Variants in SNX13 observed in about 807,000 individuals in gnomAD.
The protein encoded by SNX13 is sorting nexin-13.
In SNX13, 45 loss-of-function variants were observed where a neutral mutation model predicts 133.6. The observed-to-expected ratio is 0.34, with a 90% CI of 0.27 to 0.43. The LOEUF (loss-of-function observed/expected upper bound fraction) is 0.43, where lower values mean the gene tolerates loss of function less well. SNX13 is among the 20% of genes least tolerant of loss of function. The pLI is 1.00. For synonymous variants in SNX13, 414 were observed against 373.9 expected, an observed-to-expected ratio of 1.11 and a Z score of -1.24; for missense variants, 1,032 against 1,145.1, an observed-to-expected ratio of 0.90 and a Z score of 1.43.
chr7:17,852,813 T>A (rs900814324), intron 9 of SNX13, among the ~76,000 whole-genome samples: 1 of 152,226 alleles, frequency 6.6e-6, no homozygotes, highest in Non-Finnish European at 1.5e-5. Context: ...AGGAGTTGGT[T>A]ACAATGCTCA....
Position 17,891,655 on chromosome 7 carries a change from TCTTA to T in SNX13, c.229-24_229-21del, listed in dbSNP as rs1174406247. On this transcript the variant is annotated intron_variant, in intron 3 of 25. Transcript: ENST00000428135. ...TAAGCACTTAAAGGAAATCAAAATA[TCTTA>T]CTGAGTAGTTTTCTGATGTAAAATC... The T allele has an allele frequency of 6.4e-7, 1 of 1,556,828 alleles. No individual in the cohort carries two copies. The highest frequency in any genetic ancestry group is 1.1e-5 in the South Asian group (1 of 89,036).
intron 9 of SNX13, among the ~76,000 whole-genome samples, chr7:17,861,698 C>T (rs769735275): frequency 2.0e-5 from 3 of 152,024 alleles, no homozygotes; most frequent in Non-Finnish European, 4.4e-5. Context: ...GCTCACTTCC[C>T]AAGTGTAAGG....
At chr7:17,889,483 C>A (rs1796390854) in intron 5 of SNX13, 2 of 151,700 alleles carry the variant, frequency 1.3e-5, no homozygotes, top group African/African-American at 4.8e-5. Flanking sequence ...ATGGTAGCAA[C>A]ATATTTTAAT....
At chr7:17,863,396 G>T (rs906503526) in intron 9 of SNX13, among the ~76,000 whole-genome samples, 2 of 152,132 alleles carry the variant, frequency 1.3e-5, no homozygotes, top group Non-Finnish European at 2.9e-5. Flanking sequence ...TCCAGGCAGT[G>T]TAACTCCAGC....
intron 1 of SNX13, among the ~76,000 whole-genome samples, chr7:17,918,082 G>T (rs1450149513): frequency 6.6e-6 from 1 of 152,070 alleles, no homozygotes; most frequent in African/African-American, 2.4e-5. Context: ...AAACAGTGCT[G>T]GGAAAACTGG....
At chr7:17,852,145 G>A (rs936698470) in intron 9 of SNX13, among the ~76,000 whole-genome samples, 4 of 152,218 alleles carry the variant, frequency 2.6e-5, no homozygotes, top group African/African-American at 9.6e-5. Flanking sequence ...AGGCCAAGGC[G>A]GGCGGATCAC....
chr7:17,793,960 CAACAGTATTTGAGTT>C lies in SNX13; in HGVS notation c.*70_*84del. The stretch of plus-strand genomic sequence containing the variant: ...AGACACTAAAAGACTGGTGCAGACA[CAACAGTATTTGAGTT>C]AAGCCCCAGAAGATCTGTCCATACC... On this transcript the variant is annotated 3_prime_UTR_variant, in exon 26 of 26. Transcript: ENST00000428135. 1 of 1,449,456 alleles carries C rather than the reference CAACAGTATTTGAGTT, an allele frequency of 6.9e-7. No homozygotes were observed. Among genetic ancestry groups the C allele is most frequent in the Non-Finnish European group, 9.4e-7 (1 of 1,067,740 alleles). 89.8% of individuals were successfully genotyped at this position (1,449,456 alleles called of 1,614,324 possible).
intron 1 of SNX13, among the ~76,000 whole-genome samples, chr7:17,905,005 G>C (rs183835648): frequency 2.6e-5 from 4 of 152,226 alleles, no homozygotes; most frequent in Admixed American, 6.5e-5. Flanking sequence ...ATGGAAAAAG[G>C]AGAGAAAAGG....
chr7:17,922,402 C>T (rs1800219332), intron 1 of SNX13, among the ~76,000 whole-genome samples: 1 of 152,162 alleles, frequency 6.6e-6, no homozygotes, highest in Non-Finnish European at 1.5e-5. Context: ...CTGTAAGTCT[C>T]CTGAGGGCAT....
At chr7:17,896,215 T>C (rs913253537) in intron 2 of SNX13, among the ~76,000 whole-genome samples, 1 of 152,176 alleles carries the variant, frequency 6.6e-6, no homozygotes, top group African/African-American at 2.4e-5. Context: ...AACTCCATTA[T>C]CAGACTCTTA....
At chr7:17,802,722 T>A (rs1192643091) in intron 21 of SNX13, among the ~76,000 whole-genome samples, 1 of 152,136 alleles carries the variant, frequency 6.6e-6, no homozygotes. Flanking sequence ...TTTATATACA[T>A]TTCCCCTACA....
chr7:17,880,722 C>T (rs542684808), intron 5 of SNX13: 1 of 152,332 alleles, frequency 6.6e-6, no homozygotes, highest in East Asian at 1.9e-4. Flanking sequence ...AGAGAACTTT[C>T]ACTGCAATAG....
intron 21 of SNX13, among the ~76,000 whole-genome samples, 173 bp downstream of exon 21, chr7:17,803,246 A>C (rs1192621110): frequency 6.6e-6 from 1 of 152,192 alleles, no homozygotes; most frequent in Non-Finnish European, 1.5e-5. Context: ...TACTATACTC[A>C]TTTCTGGTAA....
At chr7:17,831,881 A>G in intron 15 of SNX13, 1 of 984,424 alleles carries the variant, frequency 1.0e-6, no homozygotes, top group Non-Finnish European at 1.2e-6. Flanking sequence ...CAGTGGCCTA[A>G]AACCTAAACA....
Position 17,844,964 on chromosome 7 carries a change from T to C in SNX13, c.1165+631A>G, listed in dbSNP as rs1790316248. 3.9e-5 allele frequency among the ~76,000 whole-genome samples: 6 copies of C among 152,082 alleles called. No individual in the cohort carries two copies. In the South Asian group the frequency reaches 1.2e-3, roughly 32 times the overall value. On this transcript the variant is annotated intron_variant, in intron 12 of 25. Coordinates refer to ENST00000428135, the MANE Select transcript of SNX13 (RefSeq NM_015132.5). ...ACTCAATGATGAAAGACAAAATACT[T>C]TTCTTTAAGATCAGGAACAAGACAA...
At chr7:17,922,203 T>C (rs900630515) in intron 1 of SNX13, among the ~76,000 whole-genome samples, 1 of 152,164 alleles carries the variant, frequency 6.6e-6, no homozygotes. Flanking sequence ...CATTTCCACT[T>C]TTGGAGGAGT....
intron 9 of SNX13, among the ~76,000 whole-genome samples, chr7:17,857,517 G>C (rs1365831996): frequency 1.3e-5 from 2 of 152,168 alleles, no homozygotes; most frequent in Non-Finnish European, 2.9e-5. Flanking sequence ...AGGTGCGGTG[G>C]CTCACACCTA....
At position 17,816,305 on chromosome 7, in the gene SNX13, C is replaced by T. The variant is rs149774259; in HGVS notation, c.1846-16G>A. On this transcript the variant is annotated splice_polypyrimidine_tract_variant and intron_variant, in intron 18 of 25. Coordinates refer to ENST00000428135, the MANE Select transcript of SNX13 (RefSeq NM_015132.5). The stretch of plus-strand genomic sequence containing the variant: ...GACTTTCAAACTGTAAGACAAAATA[C>T]ATTCAATAGCACTTTTTATAAAGAC... 16,718 of 1,526,728 alleles carry T rather than the reference C, an allele frequency of 0.011. 131 individuals carry two copies. The highest frequency in any genetic ancestry group is 0.012 in the Non-Finnish European group (14,180 of 1,135,338). 94.6% of individuals were successfully genotyped at this position (1,526,728 alleles called of 1,614,324 possible).
chr7:17,854,975 G>A (rs1389936670), intron 9 of SNX13, among the ~76,000 whole-genome samples: 1 of 152,032 alleles, frequency 6.6e-6, no homozygotes, highest in Admixed American at 6.5e-5. Flanking sequence ...TATCCAATAT[G>A]AGAATGCAAA....
Sources: gnomAD v4.1 joint callset for allele counts (sites outside exome capture counted in the v4.1 genomes callset) on GRCh38, gnomAD v4.1.1 for gene constraint, MANE v1.5 for transcripts, NCBI Gene and HGNC (gene_info 2026-07-23, HGNC 2026-07-21) for gene names.